Variants in TRPM6 observed in about 807,000 individuals in gnomAD.
The protein encoded by TRPM6 is channel kinase 2.
TRPM6 carries 111 observed loss-of-function variants against 247.6 expected under a neutral mutation model. The ratio of observed to expected loss-of-function variants is 0.45; its 90% CI spans 0.38 to 0.52. The LOEUF is 0.52. TRPM6 is among the 20% of genes least tolerant of loss of function. The pLI is 0.00. For missense variants in TRPM6, 2,126 were observed against 2,421.5 expected, an observed-to-expected ratio of 0.88 and a Z score of 2.56; for synonymous variants, 892 against 853.8, an observed-to-expected ratio of 1.04 and a Z score of -0.78.
At chr9:74,820,805 C>A (rs770185232) in intron 8 of TRPM6, among the ~76,000 whole-genome samples, 2 of 152,112 alleles carry the variant, frequency 1.3e-5, no homozygotes, top group Non-Finnish European at 2.9e-5. Flanking sequence ...AAAGAATATA[C>A]TCTGAAGTGG....
At position 74,775,880 on chromosome 9, in the gene TRPM6, T is replaced by A; in HGVS notation, c.3403+3A>T. 6.2e-7 allele frequency: 1 copy of A among 1,614,006 alleles called. No individual in the cohort carries two copies. The highest frequency in any genetic ancestry group is 8.5e-7 in the Non-Finnish European group (1 of 1,179,936). ...TTCTCCTGCCTCACATAGAACAACT[T>A]ACTTAATCCAACGTCACCCTCTTCT... On this transcript the variant is annotated splice_donor_region_variant and intron_variant, in intron 24 of 38. Coordinates refer to ENST00000360774, the MANE Select transcript of TRPM6 (RefSeq NM_017662.5).
intron 1 of TRPM6, among the ~76,000 whole-genome samples, chr9:74,861,426 G>A (rs1830687581): frequency 6.6e-6 from 1 of 151,962 alleles, no homozygotes; most frequent in Non-Finnish European, 1.5e-5. Context: ...CATGCCTCTG[G>A]GACAAGTTCA....
At chr9:74,860,215 T>A (rs1016398247) in intron 1 of TRPM6, among the ~76,000 whole-genome samples, 1 of 152,226 alleles carries the variant, frequency 6.6e-6, no homozygotes, top group Non-Finnish European at 1.5e-5. Context: ...ATCATTTTAC[T>A]CTCTTATTCT....
chr9:74,728,141 T>G, intron 38 of TRPM6, 98 bp downstream of exon 38: 1 of 996,712 alleles, frequency 1.0e-6, no homozygotes, highest in East Asian at 2.5e-5. Flanking sequence ...GTGAATGAGA[T>G]AAAAATGTGA....
intron 21 of TRPM6, 141 bp from the exon 22 acceptor site, chr9:74,782,994 G>T: frequency 1.2e-6 from 1 of 800,868 alleles, no homozygotes; most frequent in Non-Finnish European, 2.1e-6. Context: ...TGCAGGAACA[G>T]CTAGACTTTC....
At chr9:74,753,412 C>T (rs1826328204) in intron 28 of TRPM6, among the ~76,000 whole-genome samples, 1 of 151,972 alleles carries the variant, frequency 6.6e-6, no homozygotes, top group African/African-American at 2.4e-5. Flanking sequence ...TATTTGAAGG[C>T]CAAGTGGAGT....
At chr9:74,870,953 A>G (rs952996166) in intron 1 of TRPM6, among the ~76,000 whole-genome samples, 5 of 151,988 alleles carry the variant, frequency 3.3e-5, no homozygotes, top group Non-Finnish European at 7.4e-5. Context: ...AAAAGAAAAG[A>G]AAAAGAAAAG....
chr9:74,785,722 A>T (rs570352307), intron 21 of TRPM6, 152 bp downstream of exon 21: 1 of 846,402 alleles, frequency 1.2e-6, no homozygotes, highest in East Asian at 2.6e-5. Flanking sequence ...ACGGGGTTTC[A>T]CCCTGTTAGC....
intron 1 of TRPM6, among the ~76,000 whole-genome samples, chr9:74,881,868 A>G (rs80158555): frequency 1.3e-5 from 2 of 152,340 alleles, no homozygotes; most frequent in African/African-American, 4.8e-5. Context: ...AGACCATTGA[A>G]CAAAATAGAG....
At chr9:74,852,406 G>GTCCCGCTCCCGC (rs1163420781) in intron 3 of TRPM6, among the ~76,000 whole-genome samples, 20 of 150,292 alleles carry the variant, frequency 1.3e-4, no homozygotes, top group African/African-American at 3.7e-4. Context: ...GCATAAAAGT[G>GTCCCGCTCCCGC]TCCCGCTCCC....
At chr9:74,855,755 T>G (rs923678921) in intron 2 of TRPM6, among the ~76,000 whole-genome samples, 190 bp from the exon 3 acceptor site, 1 of 152,196 alleles carries the variant, frequency 6.6e-6, no homozygotes, top group Admixed American at 6.5e-5. Flanking sequence ...GTGATCTAAT[T>G]AATACAACAT....
intron 11 of TRPM6, among the ~76,000 whole-genome samples, chr9:74,812,913 T>C (rs1229359020): frequency 6.6e-6 from 1 of 152,152 alleles, no homozygotes; most frequent in East Asian, 1.9e-4. Context: ...AATGAATAAA[T>C]AGTCTTACTA....
At chr9:74,776,640 G>T (rs1827233102) in intron 23 of TRPM6, among the ~76,000 whole-genome samples, 1 of 152,128 alleles carries the variant, frequency 6.6e-6, no homozygotes, top group Non-Finnish European at 1.5e-5. Flanking sequence ...CTCCTTATTG[G>T]TAGGTCACTT....
intron 3 of TRPM6, 108 bp from the exon 4 acceptor site, chr9:74,842,451 C>G (rs1829975192): frequency 1.8e-6 from 2 of 1,139,036 alleles, no homozygotes; most frequent in Non-Finnish European, 2.6e-6. Flanking sequence ...TTTCTTAAAA[C>G]TTCACATTAA....
chr9:74,819,170 A>T (rs943142333), intron 9 of TRPM6, among the ~76,000 whole-genome samples: 8 of 152,092 alleles, frequency 5.3e-5, no homozygotes, highest in African/African-American at 1.7e-4. Context: ...TTAGCCAGGC[A>T]TGGTGGCATG....
intron 28 of TRPM6, among the ~76,000 whole-genome samples, chr9:74,755,073 G>T (rs1198788234): frequency 6.6e-6 from 1 of 152,284 alleles, no homozygotes; most frequent in African/African-American, 2.4e-5. Context: ...AATGAATGCT[G>T]TCTCGATAAA....
chr9:74,755,728 C>T (rs576200170), intron 27 of TRPM6, among the ~76,000 whole-genome samples: 1 of 152,284 alleles, frequency 6.6e-6, no homozygotes, highest in East Asian at 1.9e-4. Context: ...ATCAGAATCA[C>T]CAAGGGCTTG....
intron 11 of TRPM6, among the ~76,000 whole-genome samples, chr9:74,814,583 G>A (rs185700197): frequency 2.6e-4 from 40 of 152,148 alleles, no homozygotes; most frequent in African/African-American, 8.9e-4. Flanking sequence ...CCCACTGTGA[G>A]CACACAAAAA....
intron 13 of TRPM6, among the ~76,000 whole-genome samples, chr9:74,810,104 G>C (rs1405926445): frequency 1.3e-5 from 2 of 150,698 alleles, no homozygotes; most frequent in African/African-American, 4.9e-5. Context: ...AAAAACAAGA[G>C]AATTTTAAAA....
Sources: allele counts gnomAD v4.1 joint callset (sites outside exome capture counted in the v4.1 genomes callset), GRCh38; gene constraint gnomAD v4.1.1; transcripts MANE v1.5; gene names NCBI Gene and HGNC (gene_info 2026-07-23, HGNC 2026-07-21).